The following OVCH1 variants were observed in gnomAD, a reference collection of about 807,000 sequenced individuals.
OVCH1 encodes the protein ovochymase-1.
Under a neutral mutation model 138.4 loss-of-function variants are expected in OVCH1, and 139 were observed. The ratio of observed to expected loss-of-function variants is 1.00; its 90% confidence interval spans 0.87 to 1.16. The LOEUF is 1.16. Among genes scored for constraint, OVCH1 ranks in the 50% most tolerant of loss-of-function variants. OVCH1 has a pLI of 0.00. For synonymous variants in OVCH1, 453 were observed against 467.8 expected, an observed-to-expected ratio of 0.97 and a Z score of 0.41; for missense variants, 1,367 against 1,357.9, an observed-to-expected ratio of 1.01 and a Z score of -0.11.
At chr12:29,487,855 T>C in exon 7 of OVCH1, 1 of 1,612,598 alleles carries the variant, frequency 6.2e-7, no homozygotes, top group Non-Finnish European at 8.5e-7. Flanking sequence ...CCACCTCTTC[T>C]ACAAACCAGT....
At chr12:29,481,603 G>T (rs1327867095) in intron 8 of OVCH1, among the ~76,000 whole-genome samples, 1 of 152,062 alleles carries the variant, frequency 6.6e-6, no homozygotes, top group African/African-American at 2.4e-5. Flanking sequence ...GAATTATTCT[G>T]CCCTCTTTTC....
chr12:29,446,985 TACTAA>T (rs1258737651), intron 22 of OVCH1, among the ~76,000 whole-genome samples: 1 of 151,844 alleles, frequency 6.6e-6, no homozygotes, highest in Non-Finnish European at 1.5e-5. Context: ...CAAATGACAA[TACTAA>T]GAATAAGCAT....
chr12:29,490,514 C>T (rs989357111), intron 5 of OVCH1, among the ~76,000 whole-genome samples: 1 of 152,032 alleles, frequency 6.6e-6, no homozygotes, highest in Non-Finnish European at 1.5e-5. Flanking sequence ...AAATGATTAC[C>T]ATAATCATGG....
At chr12:29,413,409 C>T (rs1940986811) in intron 3 of OVCH1, among the ~76,000 whole-genome samples, 1 of 152,130 alleles carries the variant, frequency 6.6e-6, no homozygotes, top group Non-Finnish European at 1.5e-5. Context: ...TCTGAAATGA[C>T]AGTGGAGAAA....
chr12:29,426,889 A>G (rs577973282), downstream of OVCH1, among the ~76,000 whole-genome samples: 1 of 152,230 alleles, frequency 6.6e-6, no homozygotes, highest in Non-Finnish European at 1.5e-5. Flanking sequence ...GAGCACTTGA[A>G]ATGTTGGTAT....
intron 14 of OVCH1, 105 bp downstream of exon 14, chr12:29,474,956 A>T: frequency 7.8e-7 from 1 of 1,280,054 alleles, no homozygotes; most frequent in Non-Finnish European, 1.0e-6. Context: ...TGTTATGCTT[A>T]CCAAGGGGAT....
At chr12:29,455,204 TAAAGAA>T in intron 20 of OVCH1, 39 bp downstream of exon 20, 1 of 1,589,292 alleles carries the variant, frequency 6.3e-7, no homozygotes, top group South Asian at 1.1e-5. Context: ...AAACCCACTC[TAAAGAA>T]AGAGGTTATT....
intron 26 of OVCH1, chr12:29,439,271 C>T: frequency 7.5e-7 from 1 of 1,338,664 alleles, no homozygotes; most frequent in Non-Finnish European, 9.7e-7. Context: ...ATTTATTGTT[C>T]TTTTTGTTAA....
At position 29,435,589 on chromosome 12, in the gene OVCH1, C is replaced by T. The variant is rs1222940184; in HGVS notation, c.3265-1776G>A. ...CAGGATGGTCTTGATCTCCTGACCC[C>T]GTGATCCGCCCACCTCGGCCTCCCA... On this transcript the variant is annotated intron_variant, in intron 26 of 27. Transcript: ENST00000318184. Among the ~76,000 whole-genome samples, 3 of 152,042 alleles carry T rather than the reference C, an allele frequency of 2.0e-5. No homozygotes were observed. In the East Asian group the frequency reaches 5.8e-4, roughly 30 times the overall value.
At chr12:29,490,188 C>T (rs1943236493) in intron 5 of OVCH1, among the ~76,000 whole-genome samples, 1 of 152,094 alleles carries the variant, frequency 6.6e-6, no homozygotes, top group Non-Finnish European at 1.5e-5. Context: ...CTCAGTTTCC[C>T]AAGTAGCTGG....
At position 29,492,155 on chromosome 12, in the gene OVCH1, G is replaced by C. The variant is rs7308540; in HGVS notation, c.455-963C>G. On this transcript the variant is annotated intron_variant, in intron 4 of 27. Transcript: ENST00000318184. ...ATTTTAAATATGATGGTCATGGAAA[G>C]TCTCATTGAGCAGGTGACATCTGAG... Among the ~76,000 whole-genome samples, 1,237 of 152,250 alleles carry C rather than the reference G, an allele frequency of 8.1e-3. 19 individuals are homozygous for C. The highest frequency in any genetic ancestry group is 0.028 in the African/African-American group (1,179 of 41,558).
At chr12:29,492,861 AC>A (rs1435046362) in intron 4 of OVCH1, among the ~76,000 whole-genome samples, 1 of 152,182 alleles carries the variant, frequency 6.6e-6, no homozygotes, top group African/African-American at 2.4e-5. Context: ...AAGAAAGGGT[AC>A]AATAGGGTAG....
chr12:29,478,700 T>C (rs1942825275), intron 9 of OVCH1, 135 bp downstream of exon 10: 1 of 493,968 alleles, frequency 2.0e-6, no homozygotes, highest in Non-Finnish European at 3.3e-6. Context: ...AGCAAGTTTA[T>C]TAGGAAAGTA....
chr12:29,489,918 A>G, intron 5 of OVCH1, 147 bp from the exon 6 acceptor site: 1 of 911,450 alleles, frequency 1.1e-6, no homozygotes, highest in Non-Finnish European at 1.6e-6. Flanking sequence ...TTCACTTCTA[A>G]AAATCAGATA....
chr12:29,488,027 T>G, intron 6 of OVCH1, 145 bp from the exon 7 acceptor site: 1 of 783,388 alleles, frequency 1.3e-6, no homozygotes. Context: ...AGCTTTTTGT[T>G]TATCCATTTT....
chr12:29,468,640 C>T (rs142944519), intron 16 of OVCH1, among the ~76,000 whole-genome samples: 14 of 152,162 alleles, frequency 9.2e-5, no homozygotes, highest in African/African-American at 3.4e-4. Context: ...TTCCATGGTA[C>T]GTTCAATGCA....
At chr12:29,419,293 A>ATTT (rs547040895) in intron 3 of OVCH1, among the ~76,000 whole-genome samples, 18 of 147,628 alleles carry the variant, frequency 1.2e-4, no homozygotes, top group African/African-American at 4.5e-4. Flanking sequence ...ACAAAGTATG[A>ATTT]TTTTTTTTTT....
chr12:29,431,123 A>AAAT (rs1941260110), intron 27 of OVCH1, among the ~76,000 whole-genome samples: 1 of 152,168 alleles, frequency 6.6e-6, no homozygotes, highest in Non-Finnish European at 1.5e-5. Context: ...AAAGTTTCAA[A>AAAT]AATAGAGTCC....
intron 12 of OVCH1, among the ~76,000 whole-genome samples, chr12:29,476,597 T>C: frequency 6.6e-6 from 1 of 152,142 alleles, no homozygotes; most frequent in East Asian, 1.9e-4. Flanking sequence ...GGAAGCTCAG[T>C]AAACACCTGC....
Sources: allele counts gnomAD v4.1 joint callset (sites outside exome capture counted in the v4.1 genomes callset), GRCh38; gene constraint gnomAD v4.1.1; transcripts MANE v1.5; gene names NCBI Gene and HGNC (gene_info 2026-07-23, HGNC 2026-07-21).